The following LRRTM3 variants were observed in gnomAD, a reference collection of about 807,000 sequenced individuals.
LRRTM3 encodes leucine-rich repeat transmembrane neuronal protein 3.
Under a neutral mutation model 44.7 loss-of-function variants are expected in LRRTM3, and 24 were observed. The ratio of observed to expected loss-of-function variants is 0.54; its 90% CI spans 0.39 to 0.76. LRRTM3 has a LOEUF of 0.76. LRRTM3 is among the 30% of genes least tolerant of loss of function. The probability of loss-of-function intolerance (pLI) is 0.00; values close to 1 mark genes in which losing one functional copy is unlikely to be tolerated. For missense variants in LRRTM3, 587 were observed against 702.2 expected (o/e 0.84, Z 1.85); for synonymous variants, 277 against 278.7 (o/e 0.99, Z 0.06).
rs35076056 is a variant in LRRTM3 at position 66,958,308 on chromosome 10, CAAAAAAAA to C, written c.1536+29875_1536+29882del. Among the ~76,000 whole-genome samples the C allele has an allele frequency of 0.034, 2,972 of 87,000 alleles. 217 individuals are homozygous for C. The East Asian group carries it at 0.38, about 11-fold the overall frequency. The allele number at this position is 87,000 out of a possible 152,430, so 57.1% of individuals were successfully genotyped here. ...TTTTTTTCCTCCACCTGCTTTCTTGCAAAAAAAAAAAAAAAAAAAAAAAAAATGCCTGT... is the reference window on the plus strand; with the variant it reads ...TTTTTTTCCTCCACCTGCTTTCTTGCAAAAAAAAAAAAAAAAAATGCCTGT... On this transcript the variant is annotated intron_variant, in intron 2 of 2. Coordinates refer to ENST00000361320, the MANE Select transcript of LRRTM3 (RefSeq NM_178011.5).
chr10:67,042,273 G>C (rs1033755035), intron 2 of LRRTM3, among the ~76,000 whole-genome samples: 5 of 152,126 alleles, frequency 3.3e-5, no homozygotes, highest in African/African-American at 1.2e-4. Context: ...CTCTGTGATA[G>C]AGAATCATAG....
intron 2 of LRRTM3, among the ~76,000 whole-genome samples, chr10:66,946,895 A>G (rs1429190485): frequency 6.6e-6 from 1 of 152,164 alleles, no homozygotes; most frequent in Non-Finnish European, 1.5e-5. Flanking sequence ...GGAATTGCTA[A>G]TGAAAATTTT....
chr10:67,041,849 A>C (rs115241201), intron 2 of LRRTM3, among the ~76,000 whole-genome samples: 4,570 of 152,256 alleles, frequency 0.03, 242 homozygotes, highest in African/African-American at 0.1. Context: ...ATTCAGGTTA[A>C]GATAGGAAAT....
intron 2 of LRRTM3, among the ~76,000 whole-genome samples, chr10:66,942,313 A>G (rs1219210980): frequency 6.6e-6 from 1 of 152,186 alleles, no homozygotes; most frequent in Non-Finnish European, 1.5e-5. Context: ...ATCATTATTA[A>G]ATCAAACCTG....
chr10:67,012,072 C>A (rs1019757481), intron 2 of LRRTM3, among the ~76,000 whole-genome samples: 18 of 152,210 alleles, frequency 1.2e-4, no homozygotes, highest in African/African-American at 4.3e-4. Context: ...CCAAAAATCA[C>A]AAGCTCCGTA....
intron 2 of LRRTM3, among the ~76,000 whole-genome samples, chr10:66,972,755 G>A (rs1302753643): frequency 7.1e-6 from 1 of 141,168 alleles, no homozygotes; most frequent in Non-Finnish European, 1.5e-5. Flanking sequence ...CTGTCACCCA[G>A]GCTGGAGTGC....
At chr10:66,978,959 C>G (rs1481437575) in intron 2 of LRRTM3, among the ~76,000 whole-genome samples, 2 of 128,378 alleles carry the variant, frequency 1.6e-5, no homozygotes, top group East Asian at 2.7e-4. Flanking sequence ...ATACTTATTT[C>G]CTTTTTTTTT....
At chr10:66,955,576 G>C (rs1030304543) in intron 2 of LRRTM3, among the ~76,000 whole-genome samples, 3 of 152,104 alleles carry the variant, frequency 2.0e-5, no homozygotes, top group African/African-American at 7.2e-5. Context: ...TCTCATAACA[G>C]CTGGCACAGA....
At chr10:66,980,506 CTTCT>C (rs1434289563) in intron 2 of LRRTM3, among the ~76,000 whole-genome samples, 8 of 126,232 alleles carry the variant, frequency 6.3e-5, no homozygotes, top group Admixed American at 3.2e-4. Context: ...TGAGACCTTC[CTTCT>C]GTTTCCCAAG....
intron 2 of LRRTM3, among the ~76,000 whole-genome samples, chr10:67,040,635 C>T (rs1348452060): frequency 6.6e-6 from 1 of 151,924 alleles, no homozygotes; most frequent in African/African-American, 2.4e-5. Context: ...AAACAGTATA[C>T]AATGGTGACA....
intron 2 of LRRTM3, among the ~76,000 whole-genome samples, chr10:67,003,524 T>A (rs961577501): frequency 2.0e-5 from 3 of 152,204 alleles, no homozygotes; most frequent in Non-Finnish European, 2.9e-5. Flanking sequence ...CTTAGGATTC[T>A]CCTAATCTAT....
At chr10:67,063,400 AGGGG>A (rs1855878385) in intron 2 of LRRTM3, among the ~76,000 whole-genome samples, 4 of 152,210 alleles carry the variant, frequency 2.6e-5, no homozygotes, top group African/African-American at 9.6e-5. Context: ...TTAAAAAGTT[AGGGG>A]TCTCAATCAG....
intron 2 of LRRTM3, among the ~76,000 whole-genome samples, chr10:66,945,526 A>G (rs1678811290): frequency 6.6e-6 from 1 of 152,032 alleles, no homozygotes; most frequent in Non-Finnish European, 1.5e-5. Context: ...GACCACTAAA[A>G]TGTTCTCCAT....
intron 2 of LRRTM3, among the ~76,000 whole-genome samples, chr10:66,996,987 T>C (rs1171231681): frequency 1.3e-5 from 2 of 152,156 alleles, no homozygotes; most frequent in Non-Finnish European, 2.9e-5. Context: ...ATGCAAAAGA[T>C]AATCAAGAAT....
At chr10:67,027,007 C>T (rs1853432187) in intron 2 of LRRTM3, among the ~76,000 whole-genome samples, 1 of 152,188 alleles carries the variant, frequency 6.6e-6, no homozygotes, top group African/African-American at 2.4e-5. Context: ...GATGATAAAA[C>T]ATCTCCTTTT....
At chr10:66,969,641 C>G (rs1849615110) in intron 2 of LRRTM3, among the ~76,000 whole-genome samples, 1 of 152,050 alleles carries the variant, frequency 6.6e-6, no homozygotes, top group African/African-American at 2.4e-5. Context: ...AATTTTTATT[C>G]CATGATACTT....
intron 2 of LRRTM3, among the ~76,000 whole-genome samples, chr10:67,005,076 C>T (rs1311182626): frequency 2.0e-5 from 3 of 152,180 alleles, no homozygotes; most frequent in Admixed American, 6.5e-5. Flanking sequence ...GTTTTTCCTA[C>T]AAGCTCCTTT....
At chr10:66,957,393 CAT>C (rs10532386) in intron 2 of LRRTM3, among the ~76,000 whole-genome samples, 1,138 of 82,906 alleles carry the variant, frequency 0.014, 22 homozygotes, top group African/African-American at 0.061. Flanking sequence ...TATATATATA[CAT>C]ATATATATAT....
At chr10:66,948,836 T>G (rs1418781890) in intron 2 of LRRTM3, among the ~76,000 whole-genome samples, 1 of 152,160 alleles carries the variant, frequency 6.6e-6, no homozygotes, top group Non-Finnish European at 1.5e-5. Context: ...CATAAAGCAG[T>G]CCAATATAAT....
Sources: gnomAD v4.1 joint callset for allele counts (sites outside exome capture counted in the v4.1 genomes callset) on GRCh38, gnomAD v4.1.1 for gene constraint, MANE v1.5 for transcripts, NCBI Gene and HGNC (gene_info 2026-07-23, HGNC 2026-07-21) for gene names.